OTUD4: variants seen among roughly 807,000 people sequenced by gnomAD.
The protein encoded by OTUD4 is OTU deubiquitinase 4.
In OTUD4, 24 loss-of-function variants were observed where a neutral mutation model predicts 130.4. That is an observed-to-expected ratio of 0.18 (90% CI 0.13 to 0.26). The LOEUF is 0.26. OTUD4 is among the 10% of genes least tolerant of loss of function. The pLI is 1.00. For missense variants in OTUD4, 1,031 were observed against 1,329.4 expected (o/e 0.78, Z 3.49); for synonymous variants, 420 against 472.5 (o/e 0.89, Z 1.44).
At chr4:145,160,553 C>A (rs1751506905) in intron 6 of OTUD4, among the ~76,000 whole-genome samples, 1 of 152,152 alleles carries the variant, frequency 6.6e-6, no homozygotes, top group African/African-American at 2.4e-5. Flanking sequence ...AGGCTCACAC[C>A]TGTAATCCCA....
Position 145,139,951 on chromosome 4 carries a change from C to A in OTUD4, c.2124G>T (p.Lys708Asn). The A allele has an allele frequency of 1.2e-6, 1 of 810,798 alleles. No individual in the cohort carries two copies. The highest frequency in any genetic ancestry group is 2.7e-5 in the Admixed American group (1 of 37,096). 50.2% of individuals were successfully genotyped at this position (810,798 alleles called of 1,614,324 possible). A position where few individuals can be genotyped will look rare whatever the true frequency, so the allele number is the denominator to read the frequency against. Residue 708 changes from lysine (K) to asparagine (N), a missense_variant and splice_region_variant, in exon 20 of 21, where the codon AAG becomes AAT. Physicochemically the swap from Lys to Asn is moderately conservative, Grantham distance 94. Coordinates refer to ENST00000447906, the MANE Select transcript of OTUD4 (RefSeq NM_001366057.1). ...ILRFFFNLGV[K>N]AYSCPMWAPH... ...TTTTAAGATGATAAAATGTAAATAC[C>A]TTCACACCAAGATTGAAGAAGAATC...
intron 6 of OTUD4, among the ~76,000 whole-genome samples, chr4:145,161,095 G>A (rs1751539157): frequency 6.7e-6 from 1 of 149,076 alleles, no homozygotes; most frequent in African/African-American, 2.5e-5. Context: ...AGGCGAGAGA[G>A]CAACACTCCA....
At chr4:145,139,201 C>A (rs956722570) in intron 20 of OTUD4, among the ~76,000 whole-genome samples, 11 of 152,120 alleles carry the variant, frequency 7.2e-5, no homozygotes, top group Non-Finnish European at 1.3e-4. Context: ...GAAAGTATAA[C>A]CAGCTAATTG....
At chr4:145,159,459 C>T (rs1439605990) in intron 7 of OTUD4, 44 bp downstream of exon 7, 1 of 1,610,024 alleles carries the variant, frequency 6.2e-7, no homozygotes, top group Admixed American at 1.7e-5. Context: ...ACTTAACTTT[C>T]CTTGTATGGC....
chr4:145,137,254 A>T lies in OTUD4; in HGVS notation c.*176T>A. Reference sequence around the variant, plus strand: ...AGAAAACTGGCAATGCCAGGAATTAACCTGCCCCCTTGAACTCATGTCCAA... The same window carrying T: ...AGAAAACTGGCAATGCCAGGAATTATCCTGCCCCCTTGAACTCATGTCCAA... On this transcript the variant is annotated 3_prime_UTR_variant, in exon 21 of 21. Coordinates refer to ENST00000447906, the MANE Select transcript of OTUD4 (RefSeq NM_001366057.1). 5.9e-6 allele frequency: 3 copies of T among 506,092 alleles called. No individual in the cohort carries two copies. The highest frequency in any genetic ancestry group is 1.0e-5 in the Non-Finnish European group (3 of 289,308). The allele number at this position is 506,092 out of a possible 1,614,324, so 31.4% of individuals were successfully genotyped here. A position where few individuals can be genotyped will look rare whatever the true frequency, so the allele number is the denominator to read the frequency against.
At chr4:145,139,583 G>A (rs1377743384) in intron 20 of OTUD4, among the ~76,000 whole-genome samples, 1 of 152,132 alleles carries the variant, frequency 6.6e-6, no homozygotes, top group Non-Finnish European at 1.5e-5. Context: ...AAAAAGCTAG[G>A]CCCAGATACA....
intron 3 of OTUD4, among the ~76,000 whole-genome samples, chr4:145,166,921 A>T (rs1206212307): frequency 2.0e-5 from 3 of 152,228 alleles, no homozygotes; most frequent in African/African-American, 7.2e-5. Flanking sequence ...ACATGAAATG[A>T]CCTAGAAAAA....
chr4:145,148,406 T>C (rs996113790), intron 13 of OTUD4, among the ~76,000 whole-genome samples: 6 of 151,040 alleles, frequency 4.0e-5, no homozygotes, highest in Admixed American at 1.3e-4. Context: ...GGCTGAGGCA[T>C]GGGAATCGCT....
intron 20 of OTUD4, 62 bp downstream of exon 20, chr4:145,139,889 A>G (rs1279667445): frequency 2.4e-5 from 13 of 543,038 alleles, no homozygotes; most frequent in Non-Finnish European, 4.3e-5. Context: ...AGTTAACACT[A>G]GTAATAATTT....
intron 10 of OTUD4, among the ~76,000 whole-genome samples, chr4:145,152,837 T>C (rs1007352381): frequency 6.6e-6 from 1 of 151,758 alleles, no homozygotes; most frequent in African/African-American, 2.4e-5. Flanking sequence ...TCTCCTACCT[T>C]AGCCTCCCAA....
At chr4:145,174,310 A>G (rs1478631456) in intron 2 of OTUD4, among the ~76,000 whole-genome samples, 2 of 152,046 alleles carry the variant, frequency 1.3e-5, no homozygotes, top group African/African-American at 4.8e-5. Context: ...GTTACCCATC[A>G]CAGAAACCAC....
At chr4:145,145,708 C>T (rs1342679537) in intron 14 of OTUD4, among the ~76,000 whole-genome samples, 1 of 152,170 alleles carries the variant, frequency 6.6e-6, no homozygotes, top group Non-Finnish European at 1.5e-5. Flanking sequence ...AGAGCACATA[C>T]TTCATTCTAC....
intron 6 of OTUD4, among the ~76,000 whole-genome samples, chr4:145,160,013 A>G (rs1579270966): frequency 6.6e-6 from 1 of 152,242 alleles, no homozygotes; most frequent in African/African-American, 2.4e-5. Context: ...GTTTAATTCC[A>G]GCACAGTGAA....
chr4:145,137,320 GGGAGAGGAA>G lies in OTUD4; in HGVS notation c.*101_*109del. On this transcript the variant is annotated 3_prime_UTR_variant, in exon 21 of 21. Coordinates refer to ENST00000447906, the MANE Select transcript of OTUD4 (RefSeq NM_001366057.1). ...ATGGGAGTGAAGGTAAGGGGGGCTG[GGGAGAGGAA>G]AGAGTTCCAACTGCGGTTTTTACTT... is the stretch of plus-strand genomic sequence containing the variant. 1.2e-6 allele frequency: 1 copy of G among 869,438 alleles called. No individual in the cohort carries two copies. The highest frequency in any genetic ancestry group is 2.4e-4 in the Middle Eastern group (1 of 4,122). The allele number at this position is 869,438 out of a possible 1,614,324, so 53.9% of individuals were successfully genotyped here.
chr4:145,146,572 A>G (rs901313665), intron 13 of OTUD4, 143 bp from the exon 14 acceptor site: 1 of 506,324 alleles, frequency 2.0e-6, no homozygotes, highest in African/African-American at 2.0e-5. Flanking sequence ...CAAACATTTT[A>G]CTAATTTAGC....
chr4:145,161,506 G>T (rs1751564214), intron 6 of OTUD4, among the ~76,000 whole-genome samples: 1 of 152,206 alleles, frequency 6.6e-6, no homozygotes, highest in Non-Finnish European at 1.5e-5. Flanking sequence ...TCTGTACTTT[G>T]CCAGAACGGA....
intron 10 of OTUD4, among the ~76,000 whole-genome samples, chr4:145,155,120 A>G (rs906867322): frequency 6.6e-6 from 1 of 152,242 alleles, no homozygotes; most frequent in Admixed American, 6.5e-5. Context: ...AAATACCTCA[A>G]TATCTGAAAT....
At chr4:145,145,483 G>A (rs1275400175) in intron 14 of OTUD4, among the ~76,000 whole-genome samples, 1 of 151,966 alleles carries the variant, frequency 6.6e-6, no homozygotes, top group Non-Finnish European at 1.5e-5. Flanking sequence ...AGTGTGTGGG[G>A]CTTTAATGTT....
intron 6 of OTUD4, among the ~76,000 whole-genome samples, chr4:145,162,225 C>T (rs1386859804): frequency 6.6e-6 from 1 of 152,084 alleles, no homozygotes; most frequent in Non-Finnish European, 1.5e-5. Context: ...TATATTATAA[C>T]AGAATAGAAT....
Sources: gnomAD v4.1 joint callset for allele counts (sites outside exome capture counted in the v4.1 genomes callset) on GRCh38, gnomAD v4.1.1 for gene constraint, MANE v1.5 for transcripts, NCBI Gene and HGNC (gene_info 2026-07-23, HGNC 2026-07-21) for gene names.